The following FIGN variants were observed in gnomAD, a reference collection of about 807,000 sequenced individuals.
The protein encoded by FIGN is fidgetin, microtubule severing factor.
A neutral mutation model predicts 51.3 loss-of-function variants in FIGN; 11 were observed. The ratio of observed to expected loss-of-function variants is 0.21; its 90% CI spans 0.13 to 0.35. The LOEUF (loss-of-function observed/expected upper bound fraction) is 0.35, where lower values mean the gene tolerates loss of function less well. Among genes scored for constraint, FIGN ranks in the 10% least tolerant of loss-of-function variants. FIGN has a pLI of 1.00. For synonymous variants in FIGN, 407 were observed against 363.2 expected (o/e 1.12, Z -1.37); for missense variants, 857 against 943.6 (o/e 0.91, Z 1.20).
intron 2 of FIGN, among the ~76,000 whole-genome samples, chr2:163,708,707 T>A (rs1045882131): frequency 2.0e-5 from 3 of 152,044 alleles, no homozygotes; most frequent in African/African-American, 4.8e-5. Flanking sequence ...GTTAGGAGAA[T>A]CCTGCTAGAT....
At chr2:163,629,859 G>T (rs1341109339) in intron 2 of FIGN, among the ~76,000 whole-genome samples, 1 of 150,698 alleles carries the variant, frequency 6.6e-6, no homozygotes, top group Non-Finnish European at 1.5e-5. Context: ...AGGCATGGGT[G>T]AGAATTGATG....
At chr2:163,702,870 A>T (rs1468944838) in intron 2 of FIGN, among the ~76,000 whole-genome samples, 1 of 152,106 alleles carries the variant, frequency 6.6e-6, no homozygotes, top group Non-Finnish European at 1.5e-5. Flanking sequence ...AATGGTAATA[A>T]AAAGAGTACC....
At position 163,610,504 on chromosome 2, in the gene FIGN, T is replaced by C; in HGVS notation, c.1328A>G (p.Gln443Arg). 3.1e-6 allele frequency: 5 copies of C among 1,614,168 alleles called. No individual in the cohort carries two copies. The highest frequency in any genetic ancestry group is 4.2e-6 in the Non-Finnish European group (5 of 1,180,038). ...GGTAGCTGCACGGAGTCCAGGGCCT[T>C]GCATTGGGTGAGAGAGGAGCTGCCT... is the stretch of plus-strand genomic sequence containing the variant. ...EHRQLLSHPMQGPGLRAATSS... is the reference protein window; with the variant it reads ...EHRQLLSHPMRGPGLRAATSS... Residue 443 changes from glutamine to arginine, a missense_variant, in exon 3 of 3, where the codon CAA becomes CGA. By Grantham distance (43) the Gln-to-Arg change is conservative. Around this residue, in one of 3 missense-constraint regions of FIGN, gnomAD observed 799 missense variants for 849.5 expected, o/e 0.94. Transcript: ENST00000333129.
intron 1 of FIGN, among the ~76,000 whole-genome samples, chr2:163,735,320 C>T (rs968244248): frequency 6.6e-6 from 1 of 152,150 alleles, no homozygotes; most frequent in South Asian, 2.1e-4. Flanking sequence ...CGCTGTACCC[C>T]CTCCTAGATG....
rs578040614 is a variant in FIGN at position 163,660,733 on chromosome 2, A to G, written c.26-48927T>C. Among the ~76,000 whole-genome samples the G allele has an allele frequency of 3.7e-4, 40 of 108,674 alleles. 7 individuals are homozygous for G. Among genetic ancestry groups the G allele is most frequent in the African/African-American group, 1.5e-3 (38 of 25,452 alleles). 71.3% of individuals were successfully genotyped at this position (108,674 alleles called of 152,430 possible). A position where few individuals can be genotyped will look rare whatever the true frequency, so the allele number is the denominator to read the frequency against. On this transcript the variant is annotated intron_variant, in intron 2 of 2. Transcript: ENST00000333129. ...CACATATACATATATATGTATACAC[A>G]TATACATATATATGTATACACATAT...
chr2:163,718,859 G>C (rs935797991), intron 2 of FIGN, among the ~76,000 whole-genome samples: 1 of 151,694 alleles, frequency 6.6e-6, no homozygotes, highest in East Asian at 1.9e-4. Flanking sequence ...GAGAGAGAGA[G>C]AGACATATTA....
At position 163,610,299 on chromosome 2, in the gene FIGN, C is replaced by G. The variant is rs767299659; in HGVS notation, c.1533G>C (p.Ala511=). Residue 511 remains alanine (A), a synonymous_variant, in exon 3 of 3, where the codon GCG becomes GCC. Coordinates refer to ENST00000333129, the MANE Select transcript of FIGN (RefSeq NM_018086.4). The part of the protein sequence containing the change: ...EVLWPVLRSD[A]FSGLTALPRS... ...GAGGTAAGGCCGTCAGTCCACTGAA[C>G]GCGTCTGACCTCAACACTGGCCATA... 40 of 1,614,022 alleles carry G rather than the reference C, an allele frequency of 2.5e-5. No individual in the cohort carries two copies. Among genetic ancestry groups the G allele is most frequent in the Non-Finnish European group, 3.1e-5 (36 of 1,180,034 alleles).
Position 163,602,750 on chromosome 2 carries a change from A to G in FIGN, c.*6802T>C, listed in dbSNP as rs1439238964. ...ATATCTGCCTTGAACCACATTTTTAATTCTTCAATGGTTACTACTGAAACT... is the reference window on the plus strand; with the variant it reads ...ATATCTGCCTTGAACCACATTTTTAGTTCTTCAATGGTTACTACTGAAACT... On this transcript the variant is annotated 3_prime_UTR_variant, in exon 3 of 3. Coordinates refer to ENST00000333129, the MANE Select transcript of FIGN (RefSeq NM_018086.4). 6.6e-6 allele frequency: 1 copy of G among 152,102 alleles called. No individual in the cohort carries two copies. Among genetic ancestry groups the G allele is most frequent in the African/African-American group, 2.4e-5 (1 of 41,444 alleles). The allele number at this position is 152,102 out of a possible 1,614,324, so 9.4% of individuals were successfully genotyped here.
At chr2:163,679,404 G>A (rs1165729602) in intron 2 of FIGN, among the ~76,000 whole-genome samples, 1 of 151,974 alleles carries the variant, frequency 6.6e-6, no homozygotes, top group Admixed American at 6.6e-5. Context: ...GCTGAGGCAG[G>A]AGAATGGTGT....
intron 2 of FIGN, among the ~76,000 whole-genome samples, chr2:163,717,535 TA>T (rs982869110): frequency 6.6e-6 from 1 of 152,036 alleles, no homozygotes; most frequent in African/African-American, 2.4e-5. Context: ...GTAATTTTTT[TA>T]AAAAAATTTA....
chr2:163,689,291 C>G (rs1389114504), intron 2 of FIGN, among the ~76,000 whole-genome samples: 2 of 151,880 alleles, frequency 1.3e-5, no homozygotes, highest in Non-Finnish European at 2.9e-5. Flanking sequence ...AGACACAGAG[C>G]TCTATACTGC....
At chr2:163,666,343 T>C (rs934894146) in intron 2 of FIGN, among the ~76,000 whole-genome samples, 6 of 152,154 alleles carry the variant, frequency 3.9e-5, no homozygotes, top group Admixed American at 2.6e-4. Context: ...GGATTATACA[T>C]TGACAGGGCA....
intron 2 of FIGN, among the ~76,000 whole-genome samples, chr2:163,707,150 T>C (rs1186943492): frequency 6.6e-6 from 1 of 151,882 alleles, no homozygotes; most frequent in Non-Finnish European, 1.5e-5. Context: ...AAAACAACAC[T>C]CCTCTGGCCA....
At chr2:163,705,383 A>G (rs1684483416) in intron 2 of FIGN, among the ~76,000 whole-genome samples, 1 of 152,124 alleles carries the variant, frequency 6.6e-6, no homozygotes, top group Non-Finnish European at 1.5e-5. Context: ...AGTTTCTCAT[A>G]GTGTTTTGGA....
intron 2 of FIGN, among the ~76,000 whole-genome samples, chr2:163,684,497 C>A (rs1450810561): frequency 6.6e-6 from 1 of 152,154 alleles, no homozygotes; most frequent in Non-Finnish European, 1.5e-5. Flanking sequence ...GTAACACGTC[C>A]AAGTCCCAAG....
At position 163,646,544 on chromosome 2, in the gene FIGN, T is replaced by A. The variant is rs189461722; in HGVS notation, c.26-34738A>T. Among the ~76,000 whole-genome samples, 24 of 152,210 alleles carry A rather than the reference T, an allele frequency of 1.6e-4. No individual in the cohort carries two copies. The East Asian group carries it at 2.7e-3, about 17-fold the overall frequency. On this transcript the variant is annotated intron_variant, in intron 2 of 2. Transcript: ENST00000333129. ...ATTTTACCTGATTTTATTATTTTTT[T>A]AAAAAAAGACAGCTATATGCTCTTT... is the stretch of plus-strand genomic sequence containing the variant.
intron 2 of FIGN, among the ~76,000 whole-genome samples, chr2:163,709,727 T>C (rs1684558599): frequency 6.6e-6 from 1 of 152,084 alleles, no homozygotes; most frequent in South Asian, 2.1e-4. Context: ...CAAGGTAAAA[T>C]AAACATAAAA....
At chr2:163,638,129 T>A (rs981502131) in intron 2 of FIGN, among the ~76,000 whole-genome samples, 1 of 151,990 alleles carries the variant, frequency 6.6e-6, no homozygotes, top group Non-Finnish European at 1.5e-5. Flanking sequence ...TGAATGAATA[T>A]GTCAATGGTG....
chr2:163,712,423 TA>T (rs1260723030), intron 2 of FIGN, among the ~76,000 whole-genome samples: 6 of 152,210 alleles, frequency 3.9e-5, no homozygotes, highest in African/African-American at 1.4e-4. Context: ...GAGGCAAACT[TA>T]AAAGCTTACT....
Sources: allele counts gnomAD v4.1 joint callset (sites outside exome capture counted in the v4.1 genomes callset), GRCh38; gene constraint gnomAD v4.1.1; regional missense constraint gnomAD v4.1.1; transcripts MANE v1.5; gene names NCBI Gene and HGNC (gene_info 2026-07-23, HGNC 2026-07-21).